The following DISC1 variants were observed in gnomAD, a reference collection of about 807,000 sequenced individuals.
DISC1 encodes the protein disrupted in schizophrenia 1 protein.
A neutral mutation model predicts 84.5 loss-of-function variants in DISC1; 57 were observed. The ratio of observed to expected loss-of-function variants is 0.67; its 90% CI spans 0.55 to 0.84. The LOEUF is 0.84. Ranked by LOEUF, DISC1 falls within the 40% of genes least tolerant of loss-of-function variation. The pLI is 0.00. For synonymous variants in DISC1, 411 were observed against 415.2 expected (o/e 0.99, Z 0.12); for missense variants, 1,000 against 1,057.8 (o/e 0.95, Z 0.76).
At chr1:231,764,252 AC>A (rs780773782) in intron 4 of DISC1, among the ~76,000 whole-genome samples, 1 of 152,224 alleles carries the variant, frequency 6.6e-6, no homozygotes, top group Non-Finnish European at 1.5e-5. Context: ...TTTATTTAAA[AC>A]ACAGACATGT....
chr1:231,733,399 C>T (rs2071891903), intron 3 of DISC1, among the ~76,000 whole-genome samples: 1 of 135,792 alleles, frequency 7.4e-6, no homozygotes, highest in South Asian at 2.4e-4. Context: ...GGTAGGAGTA[C>T]TGGTGACTGT....
At chr1:231,764,253 C>T (rs1355749810) in intron 4 of DISC1, among the ~76,000 whole-genome samples, 1 of 152,174 alleles carries the variant, frequency 6.6e-6, no homozygotes, top group Non-Finnish European at 1.5e-5. Flanking sequence ...TTATTTAAAA[C>T]ACAGACATGT....
intron 10 of DISC1, among the ~76,000 whole-genome samples, chr1:231,961,732 A>T (rs1475091832): frequency 1.3e-5 from 2 of 152,216 alleles, no homozygotes; most frequent in African/African-American, 2.4e-5. Context: ...ATGACTGCAT[A>T]GTACTCTGTG....
intron 9 of DISC1, among the ~76,000 whole-genome samples, chr1:231,907,088 T>C (rs865930685): frequency 7.2e-5 from 3 of 41,718 alleles, no homozygotes; most frequent in African/African-American, 2.5e-4. Context: ...CCTTCCTTCC[T>C]TCCCTCCCTC....
chr1:232,002,133 A>G (rs1049603199), intron 10 of DISC1, among the ~76,000 whole-genome samples: 6 of 152,198 alleles, frequency 3.9e-5, no homozygotes, highest in Non-Finnish European at 8.8e-5. Flanking sequence ...GATAGTCAAC[A>G]TCATTAGAAA....
At chr1:231,918,824 C>T (rs1289602375) in intron 9 of DISC1, among the ~76,000 whole-genome samples, 1 of 152,158 alleles carries the variant, frequency 6.6e-6, no homozygotes, top group African/African-American at 2.4e-5. Context: ...GGCAAAGTTT[C>T]ATACCTGGAA....
intron 1 of DISC1, among the ~76,000 whole-genome samples, chr1:231,669,852 C>T (rs2062414639): frequency 6.6e-6 from 1 of 151,674 alleles, no homozygotes; most frequent in Non-Finnish European, 1.5e-5. Context: ...ATCATTTGAC[C>T]CAACAATTCT....
At chr1:231,858,241 C>T (rs768729281) in intron 9 of DISC1, among the ~76,000 whole-genome samples, 1 of 152,230 alleles carries the variant, frequency 6.6e-6, no homozygotes, top group African/African-American at 2.4e-5. Context: ...AGCCATGGCT[C>T]TCTTCCCTGG....
chr1:231,777,838 A>G (rs949898009), intron 6 of DISC1, among the ~76,000 whole-genome samples: 1 of 152,312 alleles, frequency 6.6e-6, no homozygotes, highest in Middle Eastern at 3.4e-3. Context: ...TTGTTGGGCA[A>G]TATATTGTTT....
intron 1 of DISC1, among the ~76,000 whole-genome samples, chr1:231,655,520 C>T (rs1191962358): frequency 6.6e-6 from 1 of 152,130 alleles, no homozygotes; most frequent in African/African-American, 2.4e-5. Context: ...TAGGTTGGTT[C>T]CATAGCTTTG....
At chr1:231,949,105 T>C (rs1657849920) in intron 9 of DISC1, among the ~76,000 whole-genome samples, 1 of 152,098 alleles carries the variant, frequency 6.6e-6, no homozygotes, top group Non-Finnish European at 1.5e-5. Flanking sequence ...TCTGACCTCG[T>C]GTTCCACCTG....
chr1:231,762,228 CT>C (rs1404315946), intron 4 of DISC1, among the ~76,000 whole-genome samples: 5 of 48,828 alleles, frequency 1.0e-4, no homozygotes, highest in South Asian at 5.9e-4. Flanking sequence ...CTTTTCTTTT[CT>C]TTTCTTTTCT....
chr1:231,849,694 G>A (rs1390978019), intron 9 of DISC1, among the ~76,000 whole-genome samples: 2 of 147,758 alleles, frequency 1.4e-5, no homozygotes, highest in East Asian at 2.2e-4. Context: ...ACAGTTCACT[G>A]TGAATTGTGA....
intron 9 of DISC1, among the ~76,000 whole-genome samples, chr1:231,912,797 CTTTCTTTCTTTT>C (rs879370701): frequency 5.5e-4 from 60 of 109,894 alleles, no homozygotes; most frequent in Admixed American, 3.6e-3. Context: ...TTCTTTCTTT[CTTTCTTTCTTTT>C]TCTTTCCTTG....
chr1:231,791,130 G>C (rs1248380458), intron 6 of DISC1, among the ~76,000 whole-genome samples: 1 of 152,168 alleles, frequency 6.6e-6, no homozygotes, highest in Non-Finnish European at 1.5e-5. Context: ...GGTGAAATTT[G>C]GTCATATGAT....
intron 3 of DISC1, chr1:231,724,218 TGCCCAGGG>T (rs1323375174): frequency 2.5e-5 from 6 of 237,336 alleles, no homozygotes; most frequent in Non-Finnish European, 3.4e-5. Flanking sequence ...TCTCCTGGGA[TGCCCAGGG>T]GCCCTGCCTG....
At chr1:232,017,808 A>G (rs1668622193) in intron 11 of DISC1, among the ~76,000 whole-genome samples, 1 of 152,194 alleles carries the variant, frequency 6.6e-6, no homozygotes, top group Non-Finnish European at 1.5e-5. Flanking sequence ...GTTTTCTCAG[A>G]TTAATCTTAG....
chr1:231,951,881 CAAAGTG>C (rs1200264940), intron 9 of DISC1, among the ~76,000 whole-genome samples: 1 of 151,302 alleles, frequency 6.6e-6, no homozygotes, highest in Non-Finnish European at 1.5e-5. Context: ...GCCTGGGCAA[CAAAGTG>C]AACCCTCATC....
intron 9 of DISC1, among the ~76,000 whole-genome samples, chr1:231,932,649 G>A (rs1031017863): frequency 6.6e-5 from 10 of 152,120 alleles, no homozygotes; most frequent in African/African-American, 2.2e-4. Flanking sequence ...TCTAGTCAGT[G>A]TACATGGCAT....
Sources: gnomAD v4.1 joint callset for allele counts (sites outside exome capture counted in the v4.1 genomes callset) on GRCh38, gnomAD v4.1.1 for gene constraint, MANE v1.5 for transcripts, NCBI Gene and HGNC (gene_info 2026-07-23, HGNC 2026-07-21) for gene names.